SRGAP2B: variants seen among roughly 807,000 people sequenced by gnomAD.
The protein encoded by SRGAP2B is SLIT-ROBO Rho GTPase-activating protein 2B.
A neutral mutation model predicts 22.2 loss-of-function variants in SRGAP2B; 9 were observed. That is an observed-to-expected ratio of 0.41 (90% CI 0.24 to 0.71). The LOEUF is 0.71. Among genes scored for constraint, SRGAP2B ranks in the 30% least tolerant of loss-of-function variants. The pLI is 0.35. For synonymous variants in SRGAP2B, 36 were observed against 87.4 expected (o/e 0.41, Z 3.28); for missense variants, 114 against 235.8 (o/e 0.48, Z 3.38).
exon 7 of SRGAP2B, chr1:144,905,190 C>A (rs1662894817): frequency 1.3e-6 from 1 of 778,562 alleles, no homozygotes; most frequent in African/African-American, 1.7e-5. Flanking sequence ...TGATGGCCTT[C>A]AGCTTATTCT....
At chr1:145,040,516 T>C (rs1312897361) in intron 2 of SRGAP2B, among the ~76,000 whole-genome samples, 3 of 150,850 alleles carry the variant, frequency 2.0e-5, no homozygotes, top group African/African-American at 7.4e-5. Context: ...CTGGGCCATA[T>C]GTTCTCTGTT....
At chr1:144,996,740 T>C in intron 2 of SRGAP2B, among the ~76,000 whole-genome samples, 1 of 125,648 alleles carries the variant, frequency 8.0e-6, no homozygotes, top group Middle Eastern at 3.7e-3. Flanking sequence ...TCCTCATCTC[T>C]CTCCCTGTCA....
intron 2 of SRGAP2B, among the ~76,000 whole-genome samples, chr1:144,997,157 G>A (rs1290704625): frequency 2.2e-4 from 33 of 150,480 alleles, no homozygotes; most frequent in Admixed American, 1.5e-3. Context: ...TGCCAGGCGC[G>A]GTGGCTCACG....
intron 2 of SRGAP2B, among the ~76,000 whole-genome samples, chr1:145,015,585 T>C (rs1485045379): frequency 6.7e-6 from 1 of 149,606 alleles, no homozygotes; most frequent in Non-Finnish European, 1.5e-5. Context: ...TATACAGAAA[T>C]TGGTCTAGGG....
rs587609918 is a variant in SRGAP2B, at chr1:144,972,752, C to T, written c.261-17151G>A. 2.0e-5 allele frequency among the ~76,000 whole-genome samples: 3 copies of T among 149,830 alleles called. 1 individual carries two copies. The highest frequency in any genetic ancestry group is 2.1e-4 in the South Asian group (1 of 4,778). On this transcript the variant is annotated intron_variant, in intron 3 of 9. Coordinates refer to ENST00000612199, the Ensembl canonical transcript of SRGAP2B. ...ATTAGTGAGGTTTAAAAAAAATCAACGTATAGGTCACCAACTAGCATTTCT... is the reference window on the plus strand; with the variant it reads ...ATTAGTGAGGTTTAAAAAAAATCAATGTATAGGTCACCAACTAGCATTTCT...
chr1:145,017,130 A>G (rs1553623324), intron 2 of SRGAP2B, among the ~76,000 whole-genome samples: 2 of 139,646 alleles, frequency 1.4e-5, no homozygotes, highest in Non-Finnish European at 3.0e-5. Flanking sequence ...GGATTTCGCT[A>G]TGTTGGCCAG....
At chr1:145,081,488 G>A (rs1212224336) in intron 2 of SRGAP2B, among the ~76,000 whole-genome samples, 1 of 149,674 alleles carries the variant, frequency 6.7e-6, no homozygotes, top group African/African-American at 2.5e-5. Flanking sequence ...TCCCAATCCA[G>A]CACTTTCCCT....
chr1:145,011,860 G>A (rs1166202749), intron 2 of SRGAP2B, among the ~76,000 whole-genome samples: 4 of 150,336 alleles, frequency 2.7e-5, no homozygotes, highest in Non-Finnish European at 4.4e-5. Flanking sequence ...TGGCTTCCCA[G>A]TGGAGAAAAG....
At chr1:145,057,004 C>T (rs1419607654) in intron 2 of SRGAP2B, among the ~76,000 whole-genome samples, 1 of 147,810 alleles carries the variant, frequency 6.8e-6, no homozygotes, top group African/African-American at 2.5e-5. Context: ...CAAACTCCTC[C>T]CAGCATTAAA....
chr1:145,022,913 T>A (rs1647304322), intron 2 of SRGAP2B, among the ~76,000 whole-genome samples: 1 of 149,300 alleles, frequency 6.7e-6, no homozygotes, highest in Non-Finnish European at 1.5e-5. Context: ...ACACTTGTAA[T>A]CCCAGCACTT....
At chr1:144,976,039 A>AT (rs1668880392) in intron 3 of SRGAP2B, among the ~76,000 whole-genome samples, 4 of 148,154 alleles carry the variant, frequency 2.7e-5, no homozygotes, top group African/African-American at 1.0e-4. Context: ...ATGCCCGGCT[A>AT]ATTTTTTTTT....
chr1:145,045,283 C>T (rs10903194), intron 2 of SRGAP2B, among the ~76,000 whole-genome samples: 3 of 101,294 alleles, frequency 3.0e-5, no homozygotes, highest in African/African-American at 4.3e-5. Context: ...GGGGACGGAG[C>T]GAGACTCCGC....
rs1212560270 is a variant in SRGAP2B, at chr1:145,009,574, C to T, written c.68-14374G>A. On this transcript the variant is annotated intron_variant, in intron 2 of 9. Coordinates refer to ENST00000612199, the Ensembl canonical transcript of SRGAP2B. ...CTGCACTCCAGCCTGGGCGACAGAG[C>T]GAGACTCCGTCTCAAAAAAAAAAAA... 2.8e-5 allele frequency among the ~76,000 whole-genome samples: 4 copies of T among 141,498 alleles called. No homozygotes were observed. In the Middle Eastern group the frequency reaches 0.014, roughly 502 times the overall value. The allele number at this position is 141,498 out of a possible 152,430, so 92.8% of individuals were successfully genotyped here.
chr1:144,928,475 T>A (rs1377074567), intron 4 of SRGAP2B, among the ~76,000 whole-genome samples: 31 of 133,156 alleles, frequency 2.3e-4, no homozygotes, highest in Non-Finnish European at 5.0e-4. Context: ...TCTCGCTCTG[T>A]CGCCCAGGCT....
At chr1:145,037,116 TC>T (rs1648813147) in intron 2 of SRGAP2B, among the ~76,000 whole-genome samples, 2 of 103,538 alleles carry the variant, frequency 1.9e-5, no homozygotes, top group Admixed American at 1.1e-4. Flanking sequence ...CTCACTATTC[TC>T]CCCTAAACAC....
At chr1:145,010,668 C>A (rs1319089986) in intron 2 of SRGAP2B, among the ~76,000 whole-genome samples, 1 of 150,334 alleles carries the variant, frequency 6.7e-6, no homozygotes, top group Non-Finnish European at 1.5e-5. Flanking sequence ...GGTATAATGC[C>A]ATTCTTATAA....
Position 144,907,825 on chromosome 1 carries a change from G to A in SRGAP2B, c.487-1751C>T, listed in dbSNP as rs1338165255. Among the ~76,000 whole-genome samples, 4 of 150,034 alleles carry A rather than the reference G, an allele frequency of 2.7e-5. 1 individual carries two copies. The highest frequency in any genetic ancestry group is 2.6e-4 in the Admixed American group (4 of 15,104). On this transcript the variant is annotated intron_variant, in intron 5 of 9. Transcript: ENST00000612199. The stretch of plus-strand genomic sequence containing the variant: ...CCCCTACGATCAGCTAGAGGCAGAC[G>A]AAAGAATAAAGAATACTGGGACACT...
intron 5 of SRGAP2B, among the ~76,000 whole-genome samples, chr1:144,907,138 CGTGTGTGTGTGTGT>C (rs1166076665): frequency 1.3e-4 from 17 of 128,304 alleles, no homozygotes; most frequent in Admixed American, 1.3e-3. Context: ...TGTGTGTGTG[CGTGTGTGTGTGTGT>C]GTGTGTGTGT....
At chr1:145,063,826 GGT>G (rs1651184451) in intron 2 of SRGAP2B, among the ~76,000 whole-genome samples, 2 of 149,824 alleles carry the variant, frequency 1.3e-5, no homozygotes, top group African/African-American at 2.5e-5. Flanking sequence ...GATTTCCCCA[GGT>G]GACCAGCAGC....
Sources: allele counts gnomAD v4.1 joint callset (sites outside exome capture counted in the v4.1 genomes callset), GRCh38; gene constraint gnomAD v4.1.1; transcripts MANE v1.5; gene names NCBI Gene and HGNC (gene_info 2026-07-23, HGNC 2026-07-21).